The following CDK13 variants were observed in gnomAD, a reference collection of about 807,000 sequenced individuals.
CDK13 encodes the protein cyclin dependent kinase 13.
Under a neutral mutation model 137.6 loss-of-function variants are expected in CDK13, and 40 were observed. The ratio of observed to expected loss-of-function variants is 0.29; its 90% CI spans 0.23 to 0.38. The LOEUF (loss-of-function observed/expected upper bound fraction) is 0.38. CDK13 is among the 10% of genes least tolerant of loss of function. The pLI, the probability that CDK13 is intolerant of heterozygous loss-of-function variation, is 1.00. For synonymous variants in CDK13, 869 were observed against 760.1 expected (o/e 1.14, Z -2.36); for missense variants, 1,704 against 1,951.8 (o/e 0.87, Z 2.39).
intron 5 of CDK13, among the ~76,000 whole-genome samples, chr7:40,028,425 G>A (rs909886608): frequency 8.6e-5 from 13 of 151,792 alleles, no homozygotes; most frequent in Non-Finnish European, 1.6e-4. Flanking sequence ...TCACCATGTT[G>A]GCCAGGATGG....
chr7:39,961,984 G>A (rs1449023393), intron 1 of CDK13, among the ~76,000 whole-genome samples: 1 of 152,162 alleles, frequency 6.6e-6, no homozygotes, highest in East Asian at 1.9e-4. Context: ...TTTTATGGCT[G>A]CATAGTATTC....
intron 5 of CDK13, among the ~76,000 whole-genome samples, chr7:40,039,062 G>C (rs900951192): frequency 6.6e-6 from 1 of 152,136 alleles, no homozygotes; most frequent in South Asian, 2.1e-4. Context: ...CTCTTTTTTC[G>C]GATGAGCTAA....
At chr7:40,043,903 T>TC in intron 5 of CDK13, among the ~76,000 whole-genome samples, 1 of 150,898 alleles carries the variant, frequency 6.6e-6, no homozygotes, top group South Asian at 2.1e-4. Context: ...GTATAATTTT[T>TC]TTTTTTTTTT....
rs1312338542 is a variant in CDK13, at chr7:40,003,204, ACACT to A, written c.2353+1175_2353+1178del. Among the ~76,000 whole-genome samples the A allele has an allele frequency of 8.9e-3, 723 of 81,200 alleles. 2 individuals carry two copies. Among genetic ancestry groups the A allele is most frequent in the Non-Finnish European group, 0.013 (527 of 39,414 alleles). The allele number at this position is 81,200 out of a possible 152,430, so 53.3% of individuals were successfully genotyped here. Reference sequence around the variant, plus strand: ...CACACACACACACACACACACACACACACTCTCTCTCTCTCTCTCTCTTACTCTG... The same window carrying A: ...CACACACACACACACACACACACACACTCTCTCTCTCTCTCTCTTACTCTG... On this transcript the variant is annotated intron_variant, in intron 5 of 13. Transcript: ENST00000181839.
intron 12 of CDK13, among the ~76,000 whole-genome samples, chr7:40,089,042 G>A (rs1219706455): frequency 3.9e-5 from 6 of 151,950 alleles, no homozygotes; most frequent in Non-Finnish European, 8.8e-5. Flanking sequence ...TTGCGCCACT[G>A]CACTCCAGCC....
At chr7:39,953,767 A>G (rs1167963034) in intron 1 of CDK13, among the ~76,000 whole-genome samples, 1 of 152,176 alleles carries the variant, frequency 6.6e-6, no homozygotes, top group Non-Finnish European at 1.5e-5. Flanking sequence ...AAGGAACTTT[A>G]GGGTGTCTTG....
intron 1 of CDK13, among the ~76,000 whole-genome samples, chr7:39,973,875 T>C (rs931692836): frequency 6.6e-6 from 1 of 152,244 alleles, no homozygotes; most frequent in Non-Finnish European, 1.5e-5. Flanking sequence ...AGCACCCTTG[T>C]TGAAAATCAA....
At position 39,992,107 on chromosome 7, in the gene CDK13, A is replaced by ACG. The variant is rs1291046068; in HGVS notation, c.1871+3850_1871+3851insGC. On this transcript the variant is annotated intron_variant, in intron 2 of 13. Transcript: ENST00000181839. ...CACACACACACACACACACACACGC[A>ACG]CACACACACACAAGCACACACGCTC... 3.0e-3 allele frequency among the ~76,000 whole-genome samples: 367 copies of ACG among 121,068 alleles called. 1 individual carries two copies. Among genetic ancestry groups the ACG allele is most frequent in the African/African-American group, 0.021 (306 of 14,832 alleles). The allele number at this position is 121,068 out of a possible 152,430, so 79.4% of individuals were successfully genotyped here. A position where few individuals can be genotyped will look rare whatever the true frequency, so the allele number is the denominator to read the frequency against.
intron 11 of CDK13, among the ~76,000 whole-genome samples, chr7:40,082,440 GGC>G (rs960764532): frequency 2.9e-5 from 4 of 137,284 alleles, no homozygotes; most frequent in Non-Finnish European, 6.2e-5. Flanking sequence ...GAGCCAAGAT[GGC>G]GCCACTGCAC....
chr7:39,956,175 G>A (rs754912522), intron 1 of CDK13, among the ~76,000 whole-genome samples: 11 of 152,024 alleles, frequency 7.2e-5, no homozygotes, highest in Non-Finnish European at 1.5e-4. Flanking sequence ...CTAGGTGAAT[G>A]GAATTCTTAA....
At position 40,045,951 on chromosome 7, in the gene CDK13, G is replaced by A. The variant is rs535839508; in HGVS notation, c.2469G>A (p.Glu823=). 6.2e-7 allele frequency: 1 copy of A among 1,612,602 alleles called. No homozygotes were observed. Among genetic ancestry groups the A allele is most frequent in the Non-Finnish European group, 8.5e-7 (1 of 1,178,822 alleles). ...AGTCATTTATGAGACAGCTCATGGA[G>A]GGTCTGGATTATTGTCATAAGAAGA... ...HIKSFMRQLM[E]GLDYCHKKNF... is the part of the protein sequence containing the mutation. The change falls in exon 6 of 14, where the codon GAG becomes GAA. Residue 823 remains glutamate (E), a synonymous_variant. Coordinates refer to ENST00000181839, the MANE Select transcript of CDK13 (RefSeq NM_003718.5).
At chr7:39,953,806 G>A (rs1787317560) in intron 1 of CDK13, among the ~76,000 whole-genome samples, 1 of 152,134 alleles carries the variant, frequency 6.6e-6, no homozygotes, top group African/African-American at 2.4e-5. Context: ...TGGCCATTTG[G>A]TATGTGCCTG....
At chr7:40,031,873 A>G (rs1258245476) in intron 5 of CDK13, among the ~76,000 whole-genome samples, 1 of 148,382 alleles carries the variant, frequency 6.7e-6, no homozygotes, top group Non-Finnish European at 1.5e-5. Flanking sequence ...TATTGGGAGA[A>G]ATGGGGTCTT....
intron 1 of CDK13, among the ~76,000 whole-genome samples, chr7:39,960,780 G>A (rs1189912584): frequency 6.7e-6 from 1 of 148,582 alleles, no homozygotes; most frequent in African/African-American, 2.5e-5. Context: ...TTGCCATGTT[G>A]GCCAGGCTGG....
intron 1 of CDK13, among the ~76,000 whole-genome samples, chr7:39,983,146 G>T (rs1784264918): frequency 6.6e-6 from 1 of 152,130 alleles, no homozygotes; most frequent in Non-Finnish European, 1.5e-5. Context: ...GGTTTTTATG[G>T]TTTTAGGTAT....
At chr7:40,036,155 CAAAAT>C (rs1352571486) in intron 5 of CDK13, among the ~76,000 whole-genome samples, 1 of 128,404 alleles carries the variant, frequency 7.8e-6, no homozygotes, top group African/African-American at 3.2e-5. Flanking sequence ...GACCCTGTCT[CAAAAT>C]AAATAAATAA....
chr7:40,093,357 A>C, intron 13 of CDK13, 120 bp downstream of exon 13: 14 of 804,950 alleles, frequency 1.7e-5, no homozygotes, highest in Non-Finnish European at 2.7e-5. Context: ...GAAGAATCTC[A>C]GGTAACTGGC....
chr7:39,985,572 C>G (rs1192595920), intron 1 of CDK13: 3 of 152,278 alleles, frequency 2.0e-5, no homozygotes, highest in Non-Finnish European at 4.4e-5. Context: ...AGTGGTTATA[C>G]TAATTTACAT....
chr7:40,017,585 A>G (rs75082780), intron 5 of CDK13, among the ~76,000 whole-genome samples: 3,379 of 151,944 alleles, frequency 0.022, 117 homozygotes, highest in African/African-American at 0.078. Context: ...TTCCTTTGAC[A>G]TTTTCTACTG....
Sources: gnomAD v4.1 joint callset for allele counts (sites outside exome capture counted in the v4.1 genomes callset) on GRCh38, gnomAD v4.1.1 for gene constraint, MANE v1.5 for transcripts, NCBI Gene and HGNC (gene_info 2026-07-23, HGNC 2026-07-21) for gene names.